EPB41L4A: variants seen among roughly 807,000 people sequenced by gnomAD.
EPB41L4A encodes band 4.1-like protein 4A.
Under a neutral mutation model 108.6 loss-of-function variants are expected in EPB41L4A, and 100 were observed. That is an observed-to-expected ratio of 0.92 (90% CI 0.78 to 1.09). The LOEUF is 1.09. Ranked by LOEUF, EPB41L4A falls within the 50% of genes least tolerant of loss-of-function variation. The pLI is 0.00. For missense variants in EPB41L4A, 1,030 were observed against 842.7 expected (o/e 1.22, Z -2.75); for synonymous variants, 319 against 289.0 (o/e 1.10, Z -1.05).
At chr5:112,261,553 A>T (rs1242239289) in intron 7 of EPB41L4A, among the ~76,000 whole-genome samples, 1 of 152,246 alleles carries the variant, frequency 6.6e-6, no homozygotes, top group Non-Finnish European at 1.5e-5. Flanking sequence ...ATTGACATAG[A>T]ATAATCAATT....
At chr5:112,330,854 AC>A (rs766890456) in intron 1 of EPB41L4A, among the ~76,000 whole-genome samples, 8 of 152,156 alleles carry the variant, frequency 5.3e-5, no homozygotes, top group East Asian at 1.9e-4. Flanking sequence ...AAGAGTGATT[AC>A]CTTCGGAGAC....
chr5:112,276,732 G>C (rs774958407), intron 3 of EPB41L4A, among the ~76,000 whole-genome samples: 1 of 152,078 alleles, frequency 6.6e-6, no homozygotes, highest in Admixed American at 6.5e-5. Context: ...AAATGAACAA[G>C]AATAAAGGTA....
intron 1 of EPB41L4A, among the ~76,000 whole-genome samples, chr5:112,391,473 G>A (rs1760934796): frequency 6.6e-6 from 1 of 152,110 alleles, no homozygotes; most frequent in Non-Finnish European, 1.5e-5. Flanking sequence ...GTGGAAGAAA[G>A]GGTATCAATG....
At chr5:112,412,791 G>T (rs951930969) in intron 1 of EPB41L4A, among the ~76,000 whole-genome samples, 3 of 152,216 alleles carry the variant, frequency 2.0e-5, no homozygotes, top group South Asian at 4.1e-4. Flanking sequence ...AGAGAGGCAG[G>T]AGCCGTAGAT....
intron 14 of EPB41L4A, 42 bp from the exon 15 acceptor site, chr5:112,204,530 C>G (rs1272414886): frequency 6.6e-6 from 9 of 1,362,218 alleles, no homozygotes; most frequent in Non-Finnish European, 9.5e-6. Flanking sequence ...CCAGAGAGTT[C>G]CTGGGGGAAA....
intron 1 of EPB41L4A, among the ~76,000 whole-genome samples, chr5:112,320,877 C>G (rs1253179115): frequency 6.6e-6 from 1 of 152,180 alleles, no homozygotes; most frequent in Non-Finnish European, 1.5e-5. Flanking sequence ...GTGTCTTCCA[C>G]TCCCTGTGGT....
At chr5:112,298,975 G>A (rs1226064708) in intron 2 of EPB41L4A, among the ~76,000 whole-genome samples, 2 of 152,158 alleles carry the variant, frequency 1.3e-5, no homozygotes, top group Non-Finnish European at 2.9e-5. Context: ...TTGTATTTCT[G>A]TGGTGTCAGT....
intron 12 of EPB41L4A, among the ~76,000 whole-genome samples, chr5:112,222,768 G>A (rs934125253): frequency 2.0e-5 from 3 of 152,120 alleles, no homozygotes; most frequent in Non-Finnish European, 4.4e-5. Flanking sequence ...TTCTGGAGAA[G>A]GAATCTGGGC....
chr5:112,419,232 G>T lies in EPB41L4A; in HGVS notation c.-193C>A, dbSNP rs1762923800. On this transcript the variant is annotated 5_prime_UTR_variant, in exon 1 of 23. Coordinates refer to ENST00000261486, the MANE Select transcript of EPB41L4A (RefSeq NM_022140.5). ...GGGAGCGAGAAAGGCGGAAAAGCCCGGGAGAGTCAGCGCCCGGGAGCCGCC... is the reference window on the plus strand; with the variant it reads ...GGGAGCGAGAAAGGCGGAAAAGCCCTGGAGAGTCAGCGCCCGGGAGCCGCC... 1 of 456,002 alleles carries T rather than the reference G, an allele frequency of 2.2e-6. No homozygotes were observed. Among genetic ancestry groups the T allele is most frequent in the Non-Finnish European group, 3.9e-6 (1 of 257,846 alleles). The allele number at this position is 456,002 out of a possible 1,614,324, so 28.2% of individuals were successfully genotyped here.
In EPB41L4A at chr5:112,204,450, G is replaced by A; in HGVS notation, c.1301C>T (p.Pro434Leu). The A allele has an allele frequency of 1.2e-6, 2 of 1,613,774 alleles. No homozygotes were observed. Among genetic ancestry groups the A allele is most frequent in the Non-Finnish European group, 1.7e-6 (2 of 1,179,808 alleles). Residue 434 changes from proline (P) to leucine (L), a missense_variant, in exon 15 of 23, where the codon CCA becomes CTA. Coordinates refer to ENST00000261486, the MANE Select transcript of EPB41L4A (RefSeq NM_022140.5). ...TCGGCGACGCGTGTAAGGGAACTTT[G>A]GCGACTTAGTGCGATCACTGGGAGA... ...YNSPSDRTKS[P>L]KFPYTRRRNP...
intron 1 of EPB41L4A, among the ~76,000 whole-genome samples, chr5:112,418,070 C>G (rs1463443597): frequency 6.6e-6 from 1 of 152,110 alleles, no homozygotes; most frequent in Admixed American, 6.5e-5. Flanking sequence ...TTTCCCTTCA[C>G]CAGACTCAGC....
intron 2 of EPB41L4A, among the ~76,000 whole-genome samples, chr5:112,302,710 A>G (rs1235089906): frequency 6.6e-6 from 1 of 152,184 alleles, no homozygotes; most frequent in Admixed American, 6.5e-5. Context: ...ATTTTAACAC[A>G]GTGTAGTCCC....
At chr5:112,294,666 C>G (rs1182153881) in intron 2 of EPB41L4A, among the ~76,000 whole-genome samples, 2 of 151,666 alleles carry the variant, frequency 1.3e-5, no homozygotes. Flanking sequence ...GGTGTTCAGG[C>G]AGGGGAGGCA....
intron 9 of EPB41L4A, among the ~76,000 whole-genome samples, chr5:112,247,186 AC>A: frequency 7.3e-6 from 1 of 137,698 alleles, no homozygotes; most frequent in East Asian, 2.2e-4. Flanking sequence ...AAGTGGGTAT[AC>A]AATGACAACT....
chr5:112,268,464 C>T lies in EPB41L4A; in HGVS notation c.336-2134G>A, dbSNP rs190379915. Among the ~76,000 whole-genome samples the T allele has an allele frequency of 3.1e-3, 474 of 152,242 alleles. 2 individuals carry two copies. Among genetic ancestry groups the T allele is most frequent in the Admixed American group, 5.6e-3 (85 of 15,294 alleles). ...CTTGCTGCTGGAAACTTGCATTTTACTACACCCTCCTCCTTCTCTATTGGC... is the reference window on the plus strand; with the variant it reads ...CTTGCTGCTGGAAACTTGCATTTTATTACACCCTCCTCCTTCTCTATTGGC... On this transcript the variant is annotated intron_variant, in intron 4 of 22. Coordinates refer to ENST00000261486, the MANE Select transcript of EPB41L4A (RefSeq NM_022140.5).
intron 1 of EPB41L4A, among the ~76,000 whole-genome samples, chr5:112,310,765 G>A (rs1056849564): frequency 3.3e-5 from 5 of 152,014 alleles, no homozygotes; most frequent in African/African-American, 1.2e-4. Flanking sequence ...TTCTGCTAAT[G>A]TGCAAACAAT....
intron 17 of EPB41L4A, 79 bp downstream of exon 17, chr5:112,194,489 A>G (rs1761862264): frequency 2.5e-6 from 2 of 795,682 alleles, no homozygotes; most frequent in East Asian, 5.7e-5. Flanking sequence ...AAACAGACTT[A>G]CAAAGGACAC....
chr5:112,359,064 A>G (rs1213047763), intron 1 of EPB41L4A, among the ~76,000 whole-genome samples: 2 of 152,222 alleles, frequency 1.3e-5, no homozygotes, highest in East Asian at 3.8e-4. Context: ...ACCCAAGGGA[A>G]CTTCCTGGAG....
At chr5:112,287,058 A>G (rs935747263) in intron 2 of EPB41L4A, among the ~76,000 whole-genome samples, 3 of 152,238 alleles carry the variant, frequency 2.0e-5, no homozygotes, top group South Asian at 2.1e-4. Context: ...CTGGTTGCTC[A>G]TATTTCCCTG....
Sources: allele counts gnomAD v4.1 joint callset (sites outside exome capture counted in the v4.1 genomes callset), GRCh38; gene constraint gnomAD v4.1.1; transcripts MANE v1.5; gene names NCBI Gene and HGNC (gene_info 2026-07-23, HGNC 2026-07-21).